CALD1: variants seen among roughly 807,000 people sequenced by gnomAD.
The protein encoded by CALD1 is caldesmon 1.
A neutral mutation model predicts 99.9 loss-of-function variants in CALD1; 33 were observed. The ratio of observed to expected loss-of-function variants is 0.33; its 90% CI spans 0.25 to 0.44. The LOEUF (loss-of-function observed/expected upper bound fraction) is 0.44, where lower values mean the gene tolerates loss of function less well. Ranked by LOEUF, CALD1 falls within the 20% of genes least tolerant of loss-of-function variation. The pLI is 1.00. For synonymous variants in CALD1, 310 were observed against 325.0 expected, an observed-to-expected ratio of 0.95 and a Z score of 0.50; for missense variants, 861 against 962.1, an observed-to-expected ratio of 0.89 and a Z score of 1.39.
intron 1 of CALD1, among the ~76,000 whole-genome samples, chr7:134,782,287 T>TAGC (rs1797136309): frequency 6.6e-6 from 1 of 152,144 alleles, no homozygotes; most frequent in Non-Finnish European, 1.5e-5. Flanking sequence ...GGTATGCAAA[T>TAGC]AGCATGGTAG....
At chr7:134,830,736 A>G (rs1019679695) in intron 1 of CALD1, among the ~76,000 whole-genome samples, 1 of 152,240 alleles carries the variant, frequency 6.6e-6, no homozygotes, top group African/African-American at 2.4e-5. Context: ...TGAGAAGGAT[A>G]TGATCTCAAA....
At chr7:134,834,510 C>T (rs1207322954) in intron 1 of CALD1, among the ~76,000 whole-genome samples, 1 of 152,206 alleles carries the variant, frequency 6.6e-6, no homozygotes, top group Non-Finnish European at 1.5e-5. Context: ...CCCAGCTCCT[C>T]CCATCACTAG....
intron 6 of CALD1, among the ~76,000 whole-genome samples, chr7:134,940,090 T>C (rs1346291751): frequency 1.3e-5 from 2 of 152,222 alleles, no homozygotes; most frequent in African/African-American, 4.8e-5. Flanking sequence ...TGAGTTCTTA[T>C]GGCCTACCTT....
In CALD1 at chr7:134,847,261, C is replaced by A. The variant is rs181463114; in HGVS notation, c.-42+3290C>A. ...TTTCTTCTTCTTTTCTTGAGTTTTG[C>A]AGAATGAGCCTCCCTGGAAACCTTG... On this transcript the variant is annotated intron_variant, in intron 2 of 14. Coordinates refer to ENST00000361675, the MANE Select transcript of CALD1 (RefSeq NM_033138.4). 7.9e-5 allele frequency among the ~76,000 whole-genome samples: 12 copies of A among 152,236 alleles called. No homozygotes were observed. In the East Asian group the frequency reaches 2.3e-3, roughly 29 times the overall value.
intron 1 of CALD1, among the ~76,000 whole-genome samples, chr7:134,763,673 A>T (rs1017147279): frequency 6.6e-6 from 1 of 152,136 alleles, no homozygotes. Context: ...TAATCCCAGC[A>T]CTTTGGGAGG....
At chr7:134,746,372 C>T (rs988176634) in intron 1 of CALD1, among the ~76,000 whole-genome samples, 1 of 152,330 alleles carries the variant, frequency 6.6e-6, no homozygotes, top group East Asian at 1.9e-4. Flanking sequence ...GCTTGCTAGC[C>T]TCCAGAGCTG....
intron 3 of CALD1, among the ~76,000 whole-genome samples, chr7:134,892,494 GT>G (rs1187960641): frequency 6.6e-6 from 1 of 152,216 alleles, no homozygotes; most frequent in Non-Finnish European, 1.5e-5. Flanking sequence ...ATTTTTGAGA[GT>G]TTTGGCACCG....
At chr7:134,957,128 G>A (rs1584672711) in intron 9 of CALD1, among the ~76,000 whole-genome samples, 1 of 152,154 alleles carries the variant, frequency 6.6e-6, no homozygotes, top group East Asian at 1.9e-4. Flanking sequence ...AGCCATTACA[G>A]ATGAGCTGTG....
chr7:134,962,851 GGTTGATTGGAA>G lies in CALD1; in HGVS notation c.2295+2224_2295+2234del, dbSNP rs1808382168. On this transcript the variant is annotated intron_variant, in intron 13 of 14. Coordinates refer to ENST00000361675, the MANE Select transcript of CALD1 (RefSeq NM_033138.4). ...TTCTGTTCCTCACTCTTTGGTCTCTGGTTGATTGGAAACCTGCTTCTCCTGCCTTCATTTCT... is the reference window on the plus strand; with the variant it reads ...TTCTGTTCCTCACTCTTTGGTCTCTGACCTGCTTCTCCTGCCTTCATTTCT... 4 of 456,426 alleles carry G rather than the reference GGTTGATTGGAA, an allele frequency of 8.8e-6. No homozygotes were observed. In the Admixed American group the frequency reaches 9.4e-5, roughly 11 times the overall value. 28.3% of individuals were successfully genotyped at this position (456,426 alleles called of 1,614,324 possible).
At chr7:134,836,512 C>T (rs1421314603) in intron 1 of CALD1, among the ~76,000 whole-genome samples, 1 of 152,180 alleles carries the variant, frequency 6.6e-6, no homozygotes, top group Non-Finnish European at 1.5e-5. Context: ...ACAACTGCCA[C>T]TACCTTTTCA....
intron 2 of CALD1, among the ~76,000 whole-genome samples, chr7:134,855,368 A>G (rs765294255): frequency 3.3e-5 from 5 of 152,248 alleles, no homozygotes; most frequent in Non-Finnish European, 5.9e-5. Context: ...CTTCCTGTGT[A>G]GATGGAATTG....
At chr7:134,823,948 A>G (rs1798885094) in intron 1 of CALD1, among the ~76,000 whole-genome samples, 1 of 152,212 alleles carries the variant, frequency 6.6e-6, no homozygotes, top group Admixed American at 6.6e-5. Context: ...ATGATTTTTT[A>G]AATTGCCACA....
At chr7:134,896,919 C>G (rs1264653966) in intron 3 of CALD1, among the ~76,000 whole-genome samples, 1 of 152,224 alleles carries the variant, frequency 6.6e-6, no homozygotes, top group African/African-American at 2.4e-5. Flanking sequence ...TCCATACCAG[C>G]TTCAGACACA....
At chr7:134,916,433 G>C (rs146896840) in intron 3 of CALD1, among the ~76,000 whole-genome samples, 16 of 152,338 alleles carry the variant, frequency 1.1e-4, no homozygotes, top group Admixed American at 7.8e-4. Flanking sequence ...AGAAAAATGA[G>C]AGTGGAAGCA....
chr7:134,921,206 A>T (rs1279472135), intron 3 of CALD1, among the ~76,000 whole-genome samples: 1 of 152,240 alleles, frequency 6.6e-6, no homozygotes, highest in Non-Finnish European at 1.5e-5. Context: ...TGTATGAAAG[A>T]CTGTTTTTCA....
chr7:134,950,078 C>T (rs570122336), intron 8 of CALD1, among the ~76,000 whole-genome samples: 1 of 152,280 alleles, frequency 6.6e-6, no homozygotes, highest in East Asian at 1.9e-4. Flanking sequence ...CTCACGAAAG[C>T]CCTAAAAAAT....
At chr7:134,819,601 C>T (rs1798692315) in intron 1 of CALD1, among the ~76,000 whole-genome samples, 1 of 152,204 alleles carries the variant, frequency 6.6e-6, no homozygotes. Flanking sequence ...TCTTTACAAC[C>T]TCAACCCAGT....
intron 3 of CALD1, among the ~76,000 whole-genome samples, chr7:134,874,615 T>C (rs1330772893): frequency 6.6e-6 from 1 of 152,238 alleles, no homozygotes; most frequent in Non-Finnish European, 1.5e-5. Flanking sequence ...CAGCATCTGC[T>C]TTCTGCACCC....
In CALD1 at chr7:134,888,485, A is replaced by G. The variant is rs548680376; in HGVS notation, c.71+20681A>G. Reference sequence around the variant, plus strand: ...ATAACCTTTAGATTGTTATTTCTCAATCCTCTTACCTTGCCTCTCCAGCCC... The same window carrying G: ...ATAACCTTTAGATTGTTATTTCTCAGTCCTCTTACCTTGCCTCTCCAGCCC... On this transcript the variant is annotated intron_variant, in intron 3 of 14. Transcript: ENST00000361675. Among the ~76,000 whole-genome samples, 3 of 152,262 alleles carry G rather than the reference A, an allele frequency of 2.0e-5. No individual in the cohort carries two copies. The South Asian group carries it at 6.2e-4, about 32-fold the overall frequency.
Sources: allele counts gnomAD v4.1 joint callset (sites outside exome capture counted in the v4.1 genomes callset), GRCh38; gene constraint gnomAD v4.1.1; transcripts MANE v1.5; gene names NCBI Gene and HGNC (gene_info 2026-07-23, HGNC 2026-07-21).